NUDT4: variants seen among roughly 807,000 people sequenced by gnomAD.
The protein encoded by NUDT4 is diphosphoinositol polyphosphate phosphohydrolase 2.
NUDT4 carries 5 observed loss-of-function variants against 23.1 expected under a neutral mutation model. The observed-to-expected ratio is 0.22, with a 90% CI of 0.11 to 0.46. The LOEUF (loss-of-function observed/expected upper bound fraction) is 0.46, where lower values mean the gene tolerates loss of function less well. Among genes scored for constraint, NUDT4 ranks in the 20% least tolerant of loss-of-function variants. The probability of loss-of-function intolerance (pLI) is 0.99; values close to 1 mark genes in which losing one functional copy is unlikely to be tolerated. For missense variants in NUDT4, 96 were observed against 211.6 expected, an observed-to-expected ratio of 0.45 and a Z score of 3.39; for synonymous variants, 50 against 79.0, an observed-to-expected ratio of 0.63 and a Z score of 1.95.
chr12:93,389,925 A>G (rs756762547), intron 1 of NUDT4, among the ~76,000 whole-genome samples: 7 of 152,076 alleles, frequency 4.6e-5, no homozygotes, highest in Non-Finnish European at 8.8e-5. Context: ...TGAAGCATAA[A>G]ATGTTTCTTC....
Position 93,404,922 on chromosome 12 carries a change from A to ATTT in NUDT4, c.*5543_*5544insTTT, listed in dbSNP as rs1565789411. 3.2e-3 allele frequency: 475 copies of ATTT among 147,640 alleles called. 2 individuals are homozygous for ATTT. Among genetic ancestry groups the ATTT allele is most frequent in the African/African-American group, 8.5e-3 (329 of 38,714 alleles). The allele number at this position is 147,640 out of a possible 1,614,324, so 9.1% of individuals were successfully genotyped here. A position where few individuals can be genotyped will look rare whatever the true frequency, so the allele number is the denominator to read the frequency against. The stretch of plus-strand genomic sequence containing the variant: ...AATGTTTTAGGTTTTTTTTTTTTTA[A>ATTT]AAAAAATACTATGCCCATTTGTTTA... On this transcript the variant is annotated 3_prime_UTR_variant, in exon 5 of 5. Coordinates refer to ENST00000415493, the MANE Select transcript of NUDT4 (RefSeq NM_019094.6).
chr12:93,398,957 T>C lies in NUDT4; in HGVS notation c.340+102T>C, dbSNP rs1877147420. The C allele has an allele frequency of 4.4e-6, 4 of 905,636 alleles. No homozygotes were observed. In the South Asian group the frequency reaches 6.7e-5, roughly 15 times the overall value. 56.1% of individuals were successfully genotyped at this position (905,636 alleles called of 1,614,324 possible). On this transcript the variant is annotated intron_variant, in intron 4 of 4. Coordinates refer to ENST00000415493, the MANE Select transcript of NUDT4 (RefSeq NM_019094.6). ...CTTTTGTTATCTGAATACTCTTTGC[T>C]TATATTCCTGTGTCCAGTTTCCATC...
At chr12:93,384,695 C>T (rs889422339) in intron 1 of NUDT4, among the ~76,000 whole-genome samples, 3 of 152,168 alleles carry the variant, frequency 2.0e-5, no homozygotes, top group African/African-American at 7.2e-5. Flanking sequence ...TGCAATAGAT[C>T]ATTCTAATTC....
At chr12:93,392,086 GT>G (rs1356843998) in intron 1 of NUDT4, among the ~76,000 whole-genome samples, 1 of 151,850 alleles carries the variant, frequency 6.6e-6, no homozygotes, top group Admixed American at 6.6e-5. Flanking sequence ...GTTTCACCAT[GT>G]TGGCCAGGTT....
chr12:93,387,588 C>T (rs1447803978), intron 1 of NUDT4, among the ~76,000 whole-genome samples: 1 of 152,204 alleles, frequency 6.6e-6, no homozygotes, highest in Non-Finnish European at 1.5e-5. Flanking sequence ...TTAATCTCAA[C>T]CCCTTGCCTA....
chr12:93,407,378 C>T lies in NUDT4; in HGVS notation c.*7999C>T, dbSNP rs1877878384. On this transcript the variant is annotated 3_prime_UTR_variant, in exon 5 of 5. Coordinates refer to ENST00000415493, the MANE Select transcript of NUDT4 (RefSeq NM_019094.6). ...AAAGCCCCATGCCATTCACTCACCACCTAATCATCCCCAACAACTAGTGGG... is the reference window on the plus strand; with the variant it reads ...AAAGCCCCATGCCATTCACTCACCATCTAATCATCCCCAACAACTAGTGGG... 1 of 152,242 alleles carries T rather than the reference C, an allele frequency of 6.6e-6. No individual in the cohort carries two copies. Among genetic ancestry groups the T allele is most frequent in the Non-Finnish European group, 1.5e-5 (1 of 68,060 alleles). The allele number at this position is 152,242 out of a possible 1,614,324, so 9.4% of individuals were successfully genotyped here.
intron 1 of NUDT4, 36 bp from the exon 2 acceptor site, chr12:93,394,573 C>A: frequency 8.2e-7 from 1 of 1,222,386 alleles, no homozygotes; most frequent in Non-Finnish European, 1.2e-6. Context: ...AAGTGCTTCT[C>A]AGGCTGGAAG....
At chr12:93,378,449 C>A (rs1214313337) in intron 1 of NUDT4, 28 bp downstream of exon 1, 1 of 1,527,486 alleles carries the variant, frequency 6.5e-7, no homozygotes. Flanking sequence ...GCACGCTGCC[C>A]TCCGGGGCGC....
Position 93,398,750 on chromosome 12 carries a change from TTTC to T in NUDT4, c.256-18_256-16del, listed in dbSNP as rs551158967. The T allele has an allele frequency of 6.9e-4, 1,069 of 1,553,248 alleles. 1 individual carries two copies. Among genetic ancestry groups the T allele is most frequent in the Middle Eastern group, 4.9e-3 (29 of 5,904 alleles). On this transcript the variant is annotated intron_variant, in intron 3 of 4. Coordinates refer to ENST00000415493, the MANE Select transcript of NUDT4 (RefSeq NM_019094.6). ...GCTAGCTCCTGTAGATTAAAATGCA[TTTC>T]TTTTTATATTCAAGCAGAACCAAGA... is the stretch of plus-strand genomic sequence containing the variant.
chr12:93,407,337 A>G lies in NUDT4; in HGVS notation c.*7958A>G, dbSNP rs963606874. The G allele has an allele frequency of 6.6e-6, 1 of 152,236 alleles. No homozygotes were observed. The highest frequency in any genetic ancestry group is 2.4e-5 in the African/African-American group (1 of 41,442). 9.4% of individuals were successfully genotyped at this position (152,236 alleles called of 1,614,324 possible). A position where few individuals can be genotyped will look rare whatever the true frequency, so the allele number is the denominator to read the frequency against. On this transcript the variant is annotated 3_prime_UTR_variant, in exon 5 of 5. Transcript: ENST00000415493. ...GTCTGTCCCCCTTCCCCATTAGAGT[A>G]TATGGTCCCCAAAGGAAAGCCCCAT...
chr12:93,392,251 C>CCA (rs1172330410), intron 1 of NUDT4, among the ~76,000 whole-genome samples: 1 of 139,244 alleles, frequency 7.2e-6, no homozygotes, highest in East Asian at 2.4e-4. Context: ...TTTCCCCCCC[C>CCA]CCCTTTTTTT....
intron 1 of NUDT4, among the ~76,000 whole-genome samples, chr12:93,382,799 CT>C (rs1160388325): frequency 2.0e-5 from 3 of 150,766 alleles, no homozygotes; most frequent in Non-Finnish European, 2.9e-5. Flanking sequence ...GTAGCTGGGA[CT>C]ACAGGCAGCC....
At chr12:93,385,600 T>C (rs56056498) in intron 1 of NUDT4, among the ~76,000 whole-genome samples, 258 of 152,242 alleles carry the variant, frequency 1.7e-3, no homozygotes, top group Non-Finnish European at 3.3e-3. Context: ...CTTTAGAGCA[T>C]TAATTAGCAT....
rs1241540073 is a variant in NUDT4 at position 93,405,160 on chromosome 12, C to G, written c.*5781C>G. ...GTTCAATCTAGTGCAATCAGCCTAT[C>G]ACATCTAAGCTGCTTTTGCCAGATC... is the stretch of plus-strand genomic sequence containing the variant. On this transcript the variant is annotated 3_prime_UTR_variant, in exon 5 of 5. Coordinates refer to ENST00000415493, the MANE Select transcript of NUDT4 (RefSeq NM_019094.6). 1.3e-5 allele frequency: 2 copies of G among 152,182 alleles called. No individual in the cohort carries two copies. Among genetic ancestry groups the G allele is most frequent in the African/African-American group, 4.8e-5 (2 of 41,450 alleles). The allele number at this position is 152,182 out of a possible 1,614,324, so 9.4% of individuals were successfully genotyped here. A position where few individuals can be genotyped will look rare whatever the true frequency, so the allele number is the denominator to read the frequency against.
At chr12:93,391,560 AT>A (rs1320812637) in intron 1 of NUDT4, among the ~76,000 whole-genome samples, 4 of 106,176 alleles carry the variant, frequency 3.8e-5, no homozygotes, top group African/African-American at 1.9e-4. Context: ...ACGAGACTCC[AT>A]TTCAAAAAAA....
chr12:93,399,101 G>A, intron 4 of NUDT4, 76 bp from the exon 5 acceptor site: 2 of 1,006,564 alleles, frequency 2.0e-6, no homozygotes, highest in South Asian at 1.3e-5. Flanking sequence ...ATTTATCGGG[G>A]AGTAAGTGGA....
chr12:93,400,417 C>T lies in NUDT4; in HGVS notation c.*1038C>T, dbSNP rs1877297961. The stretch of plus-strand genomic sequence containing the variant: ...ATCTTTTCTAGGTTGTCAACAGGTA[C>T]TATTTGTCACATAACTAACTTTCGA... On this transcript the variant is annotated 3_prime_UTR_variant, in exon 5 of 5. Transcript: ENST00000415493. The T allele has an allele frequency of 6.6e-6, 1 of 152,246 alleles. No individual in the cohort carries two copies. Among genetic ancestry groups the T allele is most frequent in the Admixed American group, 6.5e-5 (1 of 15,286 alleles). The allele number at this position is 152,246 out of a possible 1,614,324, so 9.4% of individuals were successfully genotyped here.
rs1485751706 is a variant in NUDT4, at chr12:93,402,099, C to T, written c.*2720C>T. 1.3e-5 allele frequency: 2 copies of T among 149,172 alleles called. No individual in the cohort carries two copies. Among genetic ancestry groups the T allele is most frequent in the Non-Finnish European group, 3.0e-5 (2 of 67,324 alleles). The allele number at this position is 149,172 out of a possible 1,614,324, so 9.2% of individuals were successfully genotyped here. On this transcript the variant is annotated 3_prime_UTR_variant, in exon 5 of 5. Transcript: ENST00000415493. ...TTGTAAACAGATGACATTTTCTGAC[C>T]AGGCACATGCCATCCAATTTTCTGT...
chr12:93,398,910 TCTGTTAATATA>T, intron 4 of NUDT4, 55 bp downstream of exon 4: 2 of 1,207,618 alleles, frequency 1.7e-6, no homozygotes, highest in Non-Finnish European at 2.4e-6. Flanking sequence ...TTGGGAAGAT[TCTGTTAATATA>T]GGTAAGTTCC....
Sources: gnomAD v4.1 joint callset for allele counts (sites outside exome capture counted in the v4.1 genomes callset) on GRCh38, gnomAD v4.1.1 for gene constraint, MANE v1.5 for transcripts, NCBI Gene and HGNC (gene_info 2026-07-23, HGNC 2026-07-21) for gene names.